The following SLC39A11 variants were observed in gnomAD, a reference collection of about 807,000 sequenced individuals.
SLC39A11 encodes solute carrier family 39 member 11.
A neutral mutation model predicts 36.1 loss-of-function variants in SLC39A11; 33 were observed. The observed-to-expected ratio is 0.91, with a 90% CI of 0.69 to 1.22. The LOEUF is 1.22. Among genes scored for constraint, SLC39A11 ranks in the 50% most tolerant of loss-of-function variants. The pLI is 0.00. For synonymous variants in SLC39A11, 166 were observed against 170.3 expected, an observed-to-expected ratio of 0.97 and a Z score of 0.20; for missense variants, 432 against 430.3, an observed-to-expected ratio of 1.00 and a Z score of -0.03.
chr17:73,010,444 T>C (rs1482898261), intron 4 of SLC39A11, among the ~76,000 whole-genome samples: 4 of 152,212 alleles, frequency 2.6e-5, no homozygotes, highest in Non-Finnish European at 4.4e-5. Flanking sequence ...AAGCGAGTTA[T>C]AGGTAGCCTT....
intron 7 of SLC39A11, among the ~76,000 whole-genome samples, chr17:72,735,348 C>T (rs1293968422): frequency 6.6e-6 from 1 of 152,110 alleles, no homozygotes; most frequent in Admixed American, 6.5e-5. Flanking sequence ...CCTCAGGGCG[C>T]ATAAACAGGC....
intron 5 of SLC39A11, among the ~76,000 whole-genome samples, chr17:72,903,423 C>G (rs1220237772): frequency 1.3e-5 from 2 of 152,186 alleles, no homozygotes; most frequent in African/African-American, 2.4e-5. Flanking sequence ...ATCTATAATA[C>G]TCGCTAGTTC....
intron 7 of SLC39A11, among the ~76,000 whole-genome samples, chr17:72,716,591 A>G (rs928869888): frequency 2.6e-5 from 4 of 151,942 alleles, no homozygotes; most frequent in Non-Finnish European, 4.4e-5. Context: ...CGGAAACTTT[A>G]ACCCACTCCT....
At chr17:72,716,988 TATATACAC>T (rs1463629458) in intron 7 of SLC39A11, among the ~76,000 whole-genome samples, 2 of 126,880 alleles carry the variant, frequency 1.6e-5, no homozygotes, top group Admixed American at 1.6e-4. Context: ...AAAATATATA[TATATACAC>T]ACACACACAC....
At chr17:72,808,286 G>A (rs2077325597) in intron 6 of SLC39A11, among the ~76,000 whole-genome samples, 1 of 152,218 alleles carries the variant, frequency 6.6e-6, no homozygotes, top group Non-Finnish European at 1.5e-5. Context: ...AACTGCCTTT[G>A]CAAAGAATAT....
At chr17:72,722,657 CAG>C (rs2073741717) in intron 7 of SLC39A11, among the ~76,000 whole-genome samples, 1 of 151,582 alleles carries the variant, frequency 6.6e-6, no homozygotes, top group African/African-American at 2.4e-5. Flanking sequence ...TTTTTTGAGA[CAG>C]AGTCTCGCTC....
intron 4 of SLC39A11, among the ~76,000 whole-genome samples, chr17:73,030,769 A>G (rs982562665): frequency 6.6e-6 from 1 of 152,182 alleles, no homozygotes; most frequent in African/African-American, 2.4e-5. Flanking sequence ...TGGTGCATGC[A>G]GATGACAGGG....
chr17:72,711,789 T>G (rs150608089), intron 7 of SLC39A11, among the ~76,000 whole-genome samples: 79 of 152,134 alleles, frequency 5.2e-4, no homozygotes, highest in African/African-American at 1.7e-3. Flanking sequence ...TGGTCATAGC[T>G]CTGGGGGGAA....
chr17:72,950,722 A>G (rs1032172607), intron 4 of SLC39A11, among the ~76,000 whole-genome samples: 1 of 152,186 alleles, frequency 6.6e-6, no homozygotes, highest in African/African-American at 2.4e-5. Flanking sequence ...AATACGCATT[A>G]AGCTGCAACT....
rs1358866606 is a variant in SLC39A11, at chr17:72,895,658, C to T, written c.431-45854G>A. Among the ~76,000 whole-genome samples the T allele has an allele frequency of 3.3e-5, 5 of 152,062 alleles. No homozygotes were observed. The East Asian group carries it at 9.6e-4, about 29-fold the overall frequency. The stretch of plus-strand genomic sequence containing the variant: ...TTTATATCAAGAAGAGCCTCTGCCA[C>T]CCTTACCCTAAAGGGAAGCAAACAT... On this transcript the variant is annotated intron_variant, in intron 5 of 9. Transcript: ENST00000255559.
intron 5 of SLC39A11, among the ~76,000 whole-genome samples, chr17:72,913,090 T>C (rs1598394274): frequency 1.3e-5 from 2 of 152,066 alleles, no homozygotes; most frequent in South Asian, 2.1e-4. Context: ...GAATGCCAAA[T>C]GTCCAGAATA....
intron 4 of SLC39A11, among the ~76,000 whole-genome samples, chr17:73,004,799 G>A (rs1164358559): frequency 6.6e-6 from 1 of 152,188 alleles, no homozygotes; most frequent in African/African-American, 2.4e-5. Context: ...CCTAGGGCAC[G>A]ATGTTATGGG....
intron 5 of SLC39A11, among the ~76,000 whole-genome samples, chr17:72,926,987 C>CA (rs1353511310): frequency 2.0e-5 from 3 of 152,260 alleles, no homozygotes; most frequent in Admixed American, 2.0e-4. Flanking sequence ...GCACCAGACA[C>CA]AGAGCTGTGA....
chr17:72,977,893 A>G (rs955481550), intron 4 of SLC39A11, among the ~76,000 whole-genome samples: 5 of 152,234 alleles, frequency 3.3e-5, no homozygotes, highest in African/African-American at 1.2e-4. Flanking sequence ...GAAGGTGCCC[A>G]GGAGACCGAC....
intron 4 of SLC39A11, among the ~76,000 whole-genome samples, chr17:73,010,967 T>A (rs926353601): frequency 4.6e-5 from 7 of 152,226 alleles, no homozygotes; most frequent in Admixed American, 3.3e-4. Context: ...ATTGATTCAT[T>A]CATCAAATAC....
chr17:72,772,633 G>A (rs185315913), intron 6 of SLC39A11, among the ~76,000 whole-genome samples: 4 of 152,356 alleles, frequency 2.6e-5, no homozygotes, highest in Admixed American at 6.5e-5. Context: ...TCCTGTAGGC[G>A]TGTTCCTGTT....
chr17:73,083,149 T>C (rs4969009), intron 3 of SLC39A11, among the ~76,000 whole-genome samples: 121,003 of 151,876 alleles, frequency 0.8, 48,318 homozygotes, highest in East Asian at 0.88. Context: ...GAGACAAGGT[T>C]ATAAGGCAAG....
At chr17:72,740,487 G>T (rs2074646045) in intron 6 of SLC39A11, among the ~76,000 whole-genome samples, 1 of 152,150 alleles carries the variant, frequency 6.6e-6, no homozygotes, top group South Asian at 2.1e-4. Flanking sequence ...TGTCTGAAAT[G>T]GTAGGCACCC....
intron 5 of SLC39A11, among the ~76,000 whole-genome samples, chr17:72,923,661 G>A (rs906975696): frequency 2.4e-4 from 36 of 152,242 alleles, no homozygotes; most frequent in Non-Finnish European, 4.1e-4. Context: ...TGACAAGGTC[G>A]CAAAACAGAA....
Sources: gnomAD v4.1 joint callset for allele counts (sites outside exome capture counted in the v4.1 genomes callset) on GRCh38, gnomAD v4.1.1 for gene constraint, MANE v1.5 for transcripts, NCBI Gene and HGNC (gene_info 2026-07-23, HGNC 2026-07-21) for gene names.